Variants in ZNF844 observed in about 807,000 individuals in gnomAD.
The protein encoded by ZNF844 is zinc finger protein 844.
In ZNF844, 11 loss-of-function variants were observed where a neutral mutation model predicts 11.4. The observed-to-expected ratio is 0.97, with a 90% CI of 0.61 to 1.60. The LOEUF is 1.60. Among genes scored for constraint, ZNF844 ranks in the 40% most tolerant of loss-of-function variants. The pLI is 0.00. For synonymous variants in ZNF844, 248 were observed against 260.3 expected, an observed-to-expected ratio of 0.95 and a Z score of 0.46; for missense variants, 790 against 796.8, an observed-to-expected ratio of 0.99 and a Z score of 0.10.
Position 12,079,946 on chromosome 19 carries a change from CAAA to C in ZNF844, c.*2843_*2845del, listed in dbSNP as rs34875421. ...GGGCAACAAGAGTGAAACTCCATCT[CAAA>C]AAAAAAAAAAAAAAAAATTGAGGAA... On this transcript the variant is annotated 3_prime_UTR_variant, in exon 4 of 4. Transcript: ENST00000439326. 136 of 82,816 alleles carry C rather than the reference CAAA, an allele frequency of 1.6e-3. No individual in the cohort carries two copies. The highest frequency in any genetic ancestry group is 3.6e-3 in the African/African-American group (100 of 27,766). The allele number at this position is 82,816 out of a possible 1,614,324, so 5.1% of individuals were successfully genotyped here. A position where few individuals can be genotyped will look rare whatever the true frequency, so the allele number is the denominator to read the frequency against.
chr19:12,075,897 G>C lies in ZNF844; in HGVS notation c.777G>C (p.Gly259=). ...AGCCTTATGAATGTAAGGAATGTGG[G>C]AAAGCATTCGGTAGTCCCAATTCCC... The part of the protein sequence containing the change: ...GEKPYECKEC[G]KAFGSPNSLY... Residue 259 remains glycine, a synonymous_variant, in exon 4 of 4, where the codon GGG becomes GGC. Transcript: ENST00000439326. 1 of 1,606,990 alleles carries C rather than the reference G, an allele frequency of 6.2e-7. No individual in the cohort carries two copies. The highest frequency in any genetic ancestry group is 1.7e-4 in the Middle Eastern group (1 of 6,038).
rs767344108 is a variant in ZNF844 at position 12,076,196 on chromosome 19, C to G, written c.1076C>G (p.Thr359Ser). Residue 359 changes from threonine to serine, a missense_variant, in exon 4 of 4, where the codon ACT (threonine) becomes AGT (serine). Thr to Ser is a moderately conservative substitution (Grantham distance 58). Coordinates refer to ENST00000439326, the MANE Select transcript of ZNF844 (RefSeq NM_001136501.3). The stretch of plus-strand genomic sequence containing the variant: ...TTTCAAAGACACATGAAAATGCACA[C>G]TAGAATGAGACCTTATAAATGTAAG... ...LNFQRHMKMHTRMRPYKCKTV... is the reference protein window; with the variant it reads ...LNFQRHMKMHSRMRPYKCKTV... The G allele has an allele frequency of 1.3e-6, 2 of 1,590,332 alleles. No individual in the cohort carries two copies. Among genetic ancestry groups the G allele is most frequent in the African/African-American group, 2.7e-5 (2 of 73,940 alleles).
intron 1 of ZNF844, among the ~76,000 whole-genome samples, chr19:12,071,252 T>C (rs1975749889): frequency 6.6e-6 from 1 of 152,210 alleles, no homozygotes; most frequent in Admixed American, 6.5e-5. Context: ...GCTTACCATT[T>C]TTTTCCACAA....
rs34426508 is a variant in ZNF844, at chr19:12,069,953, C to CAA, written c.4-4060_4-4059dup. 5.1e-3 allele frequency among the ~76,000 whole-genome samples: 333 copies of CAA among 64,872 alleles called. 3 individuals are homozygous for CAA. Among genetic ancestry groups the CAA allele is most frequent in the African/African-American group, 0.014 (291 of 20,608 alleles). The allele number at this position is 64,872 out of a possible 152,430, so 42.6% of individuals were successfully genotyped here. On this transcript the variant is annotated intron_variant, in intron 1 of 3. Coordinates refer to ENST00000439326, the MANE Select transcript of ZNF844 (RefSeq NM_001136501.3). ...CCTGGACAACAGTGAGACTCCGTCT[C>CAA]AAAAAAAAAAAAAAAAAAAGAGGCC... is the stretch of plus-strand genomic sequence containing the variant.
chr19:12,075,760 A>G lies in ZNF844; in HGVS notation c.640A>G (p.Ile214Val). The G allele has an allele frequency of 6.2e-7, 1 of 1,613,818 alleles. No individual in the cohort carries two copies. The highest frequency in any genetic ancestry group is 1.1e-5 in the South Asian group (1 of 90,938). ...CTGCCCTTGTCTCAGCATATATCTTATACATGAACGAGTTCACACTGGAGA... is the reference window on the plus strand; with the variant it reads ...CTGCCCTTGTCTCAGCATATATCTTGTACATGAACGAGTTCACACTGGAGA... ...KACPCLSIYL[I>V]HERVHTGEKP... The change falls in exon 4 of 4, where the codon ATA (isoleucine) becomes GTA (valine). Residue 214 changes from isoleucine (I) to valine (V), a missense_variant. This residue lies in a region of ZNF844 where 657 missense variants were observed against 636.2 expected (regional missense o/e 1.03). Coordinates refer to ENST00000439326, the MANE Select transcript of ZNF844 (RefSeq NM_001136501.3).
At chr19:12,068,360 G>T (rs1975715779) in intron 1 of ZNF844, among the ~76,000 whole-genome samples, 1 of 152,088 alleles carries the variant, frequency 6.6e-6, no homozygotes, top group South Asian at 2.1e-4. Context: ...GGGTGCGGTG[G>T]CTCACGCCTG....
intron 1 of ZNF844, among the ~76,000 whole-genome samples, chr19:12,072,177 C>T (rs1040108215): frequency 6.6e-6 from 1 of 152,198 alleles, no homozygotes; most frequent in Non-Finnish European, 1.5e-5. Context: ...TGAGCCACTG[C>T]ATCCAGCTGA....
In ZNF844 at chr19:12,069,945, C is replaced by T. The variant is rs113732470; in HGVS notation, c.4-4086C>T. ...CACTGTAGCCTGGACAACAGTGAGA[C>T]TCCGTCTCAAAAAAAAAAAAAAAAA... On this transcript the variant is annotated intron_variant, in intron 1 of 3. Transcript: ENST00000439326. 8.4e-3 allele frequency among the ~76,000 whole-genome samples: 1,179 copies of T among 140,108 alleles called. 14 individuals carry two copies. Among genetic ancestry groups the T allele is most frequent in the African/African-American group, 0.031 (1,124 of 36,214 alleles). 91.9% of individuals were successfully genotyped at this position (140,108 alleles called of 152,430 possible). A position where few individuals can be genotyped will look rare whatever the true frequency, so the allele number is the denominator to read the frequency against.
In ZNF844 at chr19:12,077,486, A is replaced by G. The variant is rs1363923112; in HGVS notation, c.*365A>G. On this transcript the variant is annotated 3_prime_UTR_variant, in exon 4 of 4. Transcript: ENST00000439326. ...ACTATGAATGTAAGCAGTGTGGGAAAGCCTTCATTTCTTCCGGTAGCCTTC... is the reference window on the plus strand; with the variant it reads ...ACTATGAATGTAAGCAGTGTGGGAAGGCCTTCATTTCTTCCGGTAGCCTTC... 3 of 607,724 alleles carry G rather than the reference A, an allele frequency of 4.9e-6. No homozygotes were observed. Among genetic ancestry groups the G allele is most frequent in the Non-Finnish European group, 6.3e-6 (2 of 317,662 alleles). The allele number at this position is 607,724 out of a possible 1,614,324, so 37.6% of individuals were successfully genotyped here. A position where few individuals can be genotyped will look rare whatever the true frequency, so the allele number is the denominator to read the frequency against.
At chr19:12,067,932 GAAA>G (rs1975708391) in intron 1 of ZNF844, among the ~76,000 whole-genome samples, 4 of 126,962 alleles carry the variant, frequency 3.2e-5, no homozygotes, top group African/African-American at 1.3e-4. Flanking sequence ...AAGAAAGAAA[GAAA>G]GAAAGAAAGA....
chr19:12,077,310 T>C lies in ZNF844; in HGVS notation c.*189T>C. 2.8e-6 allele frequency: 3 copies of C among 1,087,064 alleles called. No homozygotes were observed. The highest frequency in any genetic ancestry group is 4.2e-6 in the Non-Finnish European group (3 of 706,810). The allele number at this position is 1,087,064 out of a possible 1,614,324, so 67.3% of individuals were successfully genotyped here. A position where few individuals can be genotyped will look rare whatever the true frequency, so the allele number is the denominator to read the frequency against. On this transcript the variant is annotated 3_prime_UTR_variant, in exon 4 of 4. Coordinates refer to ENST00000439326, the MANE Select transcript of ZNF844 (RefSeq NM_001136501.3). The stretch of plus-strand genomic sequence containing the variant: ...AGAGAAACCCTATGAGTGTAAGCAA[T>C]GTGGAAAAGCCTTTATTTCTTTCAG...
rs1283216201 is a variant in ZNF844, at chr19:12,064,888, C to T, written c.3+12C>T. The T allele has an allele frequency of 3.2e-6, 5 of 1,549,114 alleles. No homozygotes were observed. The highest frequency in any genetic ancestry group is 2.4e-5 in the South Asian group (2 of 83,910). ...AAAGCCAGGAAATGGTGAGTGTGAGCCCCCGCTGGGAGTCCCGAGACTTGG... is the reference window on the plus strand; with the variant it reads ...AAAGCCAGGAAATGGTGAGTGTGAGTCCCCGCTGGGAGTCCCGAGACTTGG... On this transcript the variant is annotated intron_variant, in intron 1 of 3. Coordinates refer to ENST00000439326, the MANE Select transcript of ZNF844 (RefSeq NM_001136501.3).
At chr19:12,074,830 C>A (rs1322955329) in intron 3 of ZNF844, among the ~76,000 whole-genome samples, 1 of 152,158 alleles carries the variant, frequency 6.6e-6, no homozygotes, top group Non-Finnish European at 1.5e-5. Flanking sequence ...CCAGCCTGGG[C>A]TATATGGTGA....
rs1043629619 is a variant in ZNF844 at position 12,079,218 on chromosome 19, T to C, written c.*2097T>C. On this transcript the variant is annotated 3_prime_UTR_variant, in exon 4 of 4. Coordinates refer to ENST00000439326, the MANE Select transcript of ZNF844 (RefSeq NM_001136501.3). ...AGAGAGACCCTCTGAATGCAAGCAA[T>C]ATGGAAAAGCATTCCATTGTATCAG... The C allele has an allele frequency of 2.0e-5, 3 of 152,158 alleles. No individual in the cohort carries two copies. Among genetic ancestry groups the C allele is most frequent in the Non-Finnish European group, 4.4e-5 (3 of 68,040 alleles). 9.4% of individuals were successfully genotyped at this position (152,158 alleles called of 1,614,324 possible).
In ZNF844 at chr19:12,077,785, A is replaced by G; in HGVS notation, c.*664A>G. Reference sequence around the variant, plus strand: ...CTTCAAATACAGACAATGAATGTAAACAATTAAATGTTTATAGCAGCTGCA... The same window carrying G: ...CTTCAAATACAGACAATGAATGTAAGCAATTAAATGTTTATAGCAGCTGCA... On this transcript the variant is annotated 3_prime_UTR_variant, in exon 4 of 4. Transcript: ENST00000439326. 2.9e-6 allele frequency: 1 copy of G among 345,264 alleles called. No homozygotes were observed. The highest frequency in any genetic ancestry group is 5.7e-6 in the Non-Finnish European group (1 of 175,548). 21.4% of individuals were successfully genotyped at this position (345,264 alleles called of 1,614,324 possible).
Position 12,076,432 on chromosome 19 carries a change from A to G in ZNF844, c.1312A>G (p.Met438Val), listed in dbSNP as rs761504362. 1.9e-6 allele frequency: 3 copies of G among 1,613,932 alleles called. No homozygotes were observed. Among genetic ancestry groups the G allele is most frequent in the East Asian group, 2.2e-5 (1 of 44,874 alleles). ...PSFLPLPFDIMKGLTLERNRM... is the reference protein window; with the variant it reads ...PSFLPLPFDIVKGLTLERNRM... ...ATTTCTTCCACTTCCTTTCGATATC[A>G]TGAAAGGACTCACACTGGAGAGAAA... Residue 438 changes from methionine (M) to valine (V), a missense_variant, in exon 4 of 4, where the codon ATG (methionine) becomes GTG (valine). By Grantham distance (21) the Met-to-Val change is conservative (BLOSUM62 1). Coordinates refer to ENST00000439326, the MANE Select transcript of ZNF844 (RefSeq NM_001136501.3).
chr19:12,066,211 C>T (rs1018164939), intron 1 of ZNF844, among the ~76,000 whole-genome samples: 16 of 152,026 alleles, frequency 1.1e-4, no homozygotes, highest in African/African-American at 3.6e-4. Flanking sequence ...CAGGTGTGAG[C>T]CACCGAACTC....
chr19:12,073,557 T>G (rs974524770), intron 1 of ZNF844, among the ~76,000 whole-genome samples: 8 of 139,296 alleles, frequency 5.7e-5, no homozygotes, highest in Non-Finnish European at 9.2e-5. Context: ...CAAAATCCAG[T>G]TTTTTTTTTT....
In ZNF844 at chr19:12,076,248, A is replaced by T; in HGVS notation, c.1128A>T (p.Pro376=). 6.2e-7 allele frequency: 1 copy of T among 1,610,738 alleles called. No individual in the cohort carries two copies. The highest frequency in any genetic ancestry group is 8.5e-7 in the Non-Finnish European group (1 of 1,178,460). The change falls in exon 4 of 4, where the codon CCA becomes CCT. Residue 376 remains proline, a synonymous_variant. Coordinates refer to ENST00000439326, the MANE Select transcript of ZNF844 (RefSeq NM_001136501.3). ...CKTVEKPLIL[P]VRFEDMKELT... The stretch of plus-strand genomic sequence containing the variant: ...CTGTGGAAAAGCCTTTGATTCTCCC[A>T]GTTCGTTTTGAAGACATGAAAGAAC...
Sources: gnomAD v4.1 joint callset for allele counts (sites outside exome capture counted in the v4.1 genomes callset) on GRCh38, gnomAD v4.1.1 for gene constraint, gnomAD v4.1.1 regional missense constraint, MANE v1.5 for transcripts, NCBI Gene and HGNC (gene_info 2026-07-23, HGNC 2026-07-21) for gene names.